The following PRDM2 variants were observed in gnomAD, a reference collection of about 807,000 sequenced individuals.
PRDM2 encodes PR/SET domain 2.
PRDM2 carries 30 observed loss-of-function variants against 130.0 expected under a neutral mutation model. That is an observed-to-expected ratio of 0.23 (90% CI 0.17 to 0.31). PRDM2 has a LOEUF of 0.31. PRDM2 is among the 10% of genes least tolerant of loss of function. The pLI is 1.00. For missense variants in PRDM2, 2,011 were observed against 2,108.4 expected (o/e 0.95, Z 0.90); for synonymous variants, 871 against 782.4 (o/e 1.11, Z -1.89).
intron 2 of PRDM2, among the ~76,000 whole-genome samples, chr1:13,718,396 G>A (rs1642613984): frequency 6.6e-6 from 1 of 152,156 alleles, no homozygotes; most frequent in Non-Finnish European, 1.5e-5. Flanking sequence ...ATATCATATT[G>A]TTTGTTATTG....
chr1:13,793,156 G>A (rs1421094350), intron 8 of PRDM2, among the ~76,000 whole-genome samples: 1 of 152,228 alleles, frequency 6.6e-6, no homozygotes, highest in African/African-American at 2.4e-5. Flanking sequence ...CCTTACCTGG[G>A]TGCTGTTAGT....
intron 8 of PRDM2, chr1:13,787,005 T>G: frequency 1.0e-6 from 1 of 986,302 alleles, no homozygotes; most frequent in Non-Finnish European, 1.2e-6. Flanking sequence ...TTAAATTAAT[T>G]ATAGACAGAG....
chr1:13,794,083 C>T (rs1331046331), intron 8 of PRDM2, among the ~76,000 whole-genome samples: 1 of 152,194 alleles, frequency 6.6e-6, no homozygotes, highest in East Asian at 1.9e-4. Context: ...TTCAGAATTT[C>T]CTGAAGGCCA....
chr1:13,772,946 G>T (rs1161653163), intron 6 of PRDM2, 132 bp from the exon 7 acceptor site: 3 of 536,660 alleles, frequency 5.6e-6, no homozygotes, highest in Non-Finnish European at 9.6e-6. Flanking sequence ...AGTGGTAATT[G>T]CCCAGGAATA....
At position 13,780,581 on chromosome 1, in the gene PRDM2, C is replaced by T. The variant is rs151171355; in HGVS notation, c.2786C>T (p.Pro929Leu). 104 of 1,614,108 alleles carry T rather than the reference C, an allele frequency of 6.4e-5. No individual in the cohort carries two copies. Among genetic ancestry groups the T allele is most frequent in the South Asian group, 6.0e-4 (55 of 91,078 alleles). Residue 929 changes from proline (P) to leucine (L), a missense_variant, in exon 8 of 10, where the codon CCG becomes CTG. Pro to Leu is a moderately conservative substitution (Grantham distance 98). Coordinates refer to ENST00000311066, the MANE Select transcript of PRDM2 (RefSeq NM_001393986.1). ...GCTCAGCCAGATCCTGACCTCGGTC[C>T]GGGCTCTGGTTTCCCTGCCCCTACT... ...LEAQPDPDLG[P>L]GSGFPAPTVE...
At chr1:13,753,074 C>T (rs1472521976) in intron 6 of PRDM2, among the ~76,000 whole-genome samples, 1 of 152,118 alleles carries the variant, frequency 6.6e-6, no homozygotes, top group Non-Finnish European at 1.5e-5. Flanking sequence ...CTGTGTAAGC[C>T]CAAAATAAGC....
chr1:13,793,344 G>A (rs1041465590), intron 8 of PRDM2, among the ~76,000 whole-genome samples: 16 of 152,336 alleles, frequency 1.1e-4, no homozygotes, highest in African/African-American at 2.4e-4. Flanking sequence ...CGCTTAATCC[G>A]CGTCAGGTGC....
At chr1:13,777,072 A>G (rs1644490828) in intron 7 of PRDM2, among the ~76,000 whole-genome samples, 1 of 152,094 alleles carries the variant, frequency 6.6e-6, no homozygotes, top group African/African-American at 2.4e-5. Context: ...TTCCCCCACA[A>G]CACGCACATG....
chr1:13,701,988 G>C (rs529455200), intron 1 of PRDM2, among the ~76,000 whole-genome samples: 1 of 152,136 alleles, frequency 6.6e-6, no homozygotes, highest in Non-Finnish European at 1.5e-5. Context: ...TATTAATTTT[G>C]TAAGTACAAA....
intron 2 of PRDM2, 136 bp downstream of exon 2, chr1:13,715,750 C>A: frequency 2.8e-6 from 2 of 725,168 alleles, no homozygotes; most frequent in Non-Finnish European, 4.3e-6. Context: ...TTAATTAGTT[C>A]ATTGTGTTCA....
Position 13,778,411 on chromosome 1 carries a change from T to C in PRDM2, c.623-7T>C. 1 of 1,578,378 alleles carries C rather than the reference T, an allele frequency of 6.3e-7. No homozygotes were observed. Among genetic ancestry groups the C allele is most frequent in the Non-Finnish European group, 8.6e-7 (1 of 1,166,010 alleles). ...CTTCCATGCTTCTGCTTCCATGTGC[T>C]TTCTAGGTCCTAAAGAAGACGAAGA... is the stretch of plus-strand genomic sequence containing the variant. On this transcript the variant is annotated splice_region_variant and splice_polypyrimidine_tract_variant and intron_variant, in intron 7 of 9. Transcript: ENST00000311066.
chr1:13,770,370 G>A (rs774057349), intron 6 of PRDM2: 1 of 469,974 alleles, frequency 2.1e-6, no homozygotes, highest in South Asian at 1.5e-5. Flanking sequence ...CATCTTAATG[G>A]TATTAAGATT....
intron 6 of PRDM2, among the ~76,000 whole-genome samples, chr1:13,756,905 C>T (rs1337541600): frequency 2.0e-5 from 3 of 152,094 alleles, no homozygotes; most frequent in East Asian, 1.9e-4. Flanking sequence ...ACTGATGCTC[C>T]GAGGGGTTAT....
Position 13,782,475 on chromosome 1 carries a change from A to G in PRDM2, c.4680A>G (p.Ala1560=), listed in dbSNP as rs759447603. 3.7e-6 allele frequency: 6 copies of G among 1,614,140 alleles called. No homozygotes were observed. The highest frequency in any genetic ancestry group is 5.1e-6 in the Non-Finnish European group (6 of 1,180,036). Residue 1560 remains alanine, a synonymous_variant, in exon 8 of 10, where the codon GCA becomes GCG. Coordinates refer to ENST00000311066, the MANE Select transcript of PRDM2 (RefSeq NM_001393986.1). The part of the protein sequence containing the change: ...SFRSKQNVKF[A]ASVKSKKPSS... ...GGTCCAAGCAGAACGTCAAGTTTGCAGCTTCGGTGAAATCCAAAAAACCAA... is the reference window on the plus strand; with the variant it reads ...GGTCCAAGCAGAACGTCAAGTTTGCGGCTTCGGTGAAATCCAAAAAACCAA...
At chr1:13,723,258 T>A (rs1293398919) in intron 2 of PRDM2, among the ~76,000 whole-genome samples, 1 of 152,164 alleles carries the variant, frequency 6.6e-6, no homozygotes, top group Non-Finnish European at 1.5e-5. Flanking sequence ...CACTGTCCCC[T>A]CCTTATCTCT....
chr1:13,788,095 C>T, intron 8 of PRDM2: 1 of 965,314 alleles, frequency 1.0e-6, no homozygotes, highest in Non-Finnish European at 1.2e-6. Context: ...GAAAGGACTG[C>T]ATTTTGTACA....
chr1:13,769,932 G>T (rs1412184489), intron 6 of PRDM2, among the ~76,000 whole-genome samples: 1 of 152,022 alleles, frequency 6.6e-6, no homozygotes, highest in African/African-American at 2.4e-5. Flanking sequence ...ACAATTAGAA[G>T]GGGGGGTGCC....
chr1:13,786,520 T>G, intron 8 of PRDM2: 1 of 1,610,724 alleles, frequency 6.2e-7, no homozygotes, highest in Non-Finnish European at 8.5e-7. Flanking sequence ...TCTAGGAACT[T>G]CCTGTAGAAA....
chr1:13,723,231 T>A (rs1642791945), intron 2 of PRDM2, among the ~76,000 whole-genome samples: 5 of 152,174 alleles, frequency 3.3e-5, no homozygotes, highest in Admixed American at 2.6e-4. Context: ...CCCCCTGCCA[T>A]CCTAACTAAA....
Sources: allele counts gnomAD v4.1 joint callset (sites outside exome capture counted in the v4.1 genomes callset), GRCh38; gene constraint gnomAD v4.1.1; transcripts MANE v1.5; gene names NCBI Gene and HGNC (gene_info 2026-07-23, HGNC 2026-07-21).